The following SPON1 variants were observed in gnomAD, a reference collection of about 807,000 sequenced individuals.
SPON1 encodes spondin 1, also known as spondin-1.
SPON1 carries 52 observed loss-of-function variants against 111.7 expected under a neutral mutation model. That is an observed-to-expected ratio of 0.47 (90% CI 0.37 to 0.59). SPON1 has a LOEUF of 0.59. Among genes scored for constraint, SPON1 ranks in the 20% least tolerant of loss-of-function variants. SPON1 has a pLI of 0.00. For synonymous variants in SPON1, 410 were observed against 395.8 expected (o/e 1.04, Z -0.43); for missense variants, 957 against 1,068.5 (o/e 0.90, Z 1.46).
At chr11:14,052,977 G>A (rs1431793018) in intron 3 of SPON1, among the ~76,000 whole-genome samples, 1 of 152,156 alleles carries the variant, frequency 6.6e-6, no homozygotes, top group Non-Finnish European at 1.5e-5. Flanking sequence ...TGGCATGCAA[G>A]AACACATGGC....
intron 14 of SPON1, among the ~76,000 whole-genome samples, chr11:14,261,062 T>TA (rs1385374010): frequency 2.6e-5 from 4 of 152,116 alleles, no homozygotes; most frequent in Non-Finnish European, 5.9e-5. Context: ...CCCCAACAAT[T>TA]ATAGGCTTGC....
intron 7 of SPON1, among the ~76,000 whole-genome samples, chr11:14,250,561 A>C (rs1328504712): frequency 1.3e-5 from 2 of 152,106 alleles, no homozygotes; most frequent in African/African-American, 2.4e-5. Flanking sequence ...TCTTACCTGA[A>C]TATCACGCTA....
intron 4 of SPON1, among the ~76,000 whole-genome samples, chr11:14,076,593 T>C (rs1282010286): frequency 6.6e-6 from 1 of 152,224 alleles, no homozygotes; most frequent in Non-Finnish European, 1.5e-5. Context: ...CATATACTCA[T>C]GGTGGAAGGC....
chr11:14,214,818 CT>C (rs768930776), intron 6 of SPON1, among the ~76,000 whole-genome samples: 102 of 152,290 alleles, frequency 6.7e-4, no homozygotes, highest in Non-Finnish European at 1.1e-3. Flanking sequence ...CCTCTTGCCC[CT>C]GTAACAAACT....
chr11:14,203,956 C>G (rs10832232), intron 6 of SPON1, among the ~76,000 whole-genome samples: 32,441 of 152,162 alleles, frequency 0.21, 3,685 homozygotes, highest in Admixed American at 0.27. Context: ...CAGGGAAGTC[C>G]AAAATCCATA....
chr11:14,172,557 C>T (rs61883820), intron 6 of SPON1, among the ~76,000 whole-genome samples: 14,332 of 151,862 alleles, frequency 0.094, 1,070 homozygotes, highest in Admixed American at 0.18. Context: ...GGTTATTTTG[C>T]TCATTTGTTG....
chr11:14,155,484 A>AT (rs1302927881), intron 6 of SPON1, among the ~76,000 whole-genome samples: 2 of 136,274 alleles, frequency 1.5e-5, no homozygotes, highest in Non-Finnish European at 3.3e-5. Flanking sequence ...ACACACATCT[A>AT]TTTTTTTATT....
chr11:14,030,989 A>C (rs914968838), intron 2 of SPON1, among the ~76,000 whole-genome samples: 1 of 152,244 alleles, frequency 6.6e-6, no homozygotes, highest in Admixed American at 6.5e-5. Context: ...GATAAAGAAA[A>C]TGTGGTACAT....
rs555443237 is a variant in SPON1, at chr11:14,114,891, A to C, written c.677-20529A>C. On this transcript the variant is annotated intron_variant, in intron 5 of 15. Transcript: ENST00000576479. ...GTAGGATTTAGAGCACAAACGTGACAGTGAATTTTTGTTAAAGTAAGGTGG... is the reference window on the plus strand; with the variant it reads ...GTAGGATTTAGAGCACAAACGTGACCGTGAATTTTTGTTAAAGTAAGGTGG... Among the ~76,000 whole-genome samples the C allele has an allele frequency of 3.3e-5, 5 of 152,314 alleles. No individual in the cohort carries two copies. The South Asian group carries it at 1.0e-3, about 32-fold the overall frequency.
intron 2 of SPON1, among the ~76,000 whole-genome samples, chr11:14,025,095 G>T (rs544927432): frequency 6.6e-6 from 1 of 152,154 alleles, no homozygotes; most frequent in Non-Finnish European, 1.5e-5. Context: ...TGGGGGTGCA[G>T]TCATTTATTC....
Position 14,135,496 on chromosome 11 carries a change from T to C in SPON1, c.753T>C (p.Tyr251=), listed in dbSNP as rs369692417. ...ATGTACTGTGGGAATATGGAGGATA[T>C]GCCAGCGAAGGCGTCAAACAAGTTG... ...KNYVLWEYGG[Y]ASEGVKQVAE... Residue 251 remains tyrosine (Y), a synonymous_variant, in exon 6 of 16, where the codon TAT becomes TAC. Coordinates refer to ENST00000576479, the MANE Select transcript of SPON1 (RefSeq NM_006108.4). The surrounding 1 kb of genome is among the most constrained non-coding windows in gnomAD (Gnocchi z 4.4). 7 of 1,613,820 alleles carry C rather than the reference T, an allele frequency of 4.3e-6. No individual in the cohort carries two copies. Among genetic ancestry groups the C allele is most frequent in the East Asian group, 4.5e-5 (2 of 44,896 alleles).
At chr11:14,119,854 T>C (rs1849292419) in intron 5 of SPON1, among the ~76,000 whole-genome samples, 1 of 152,214 alleles carries the variant, frequency 6.6e-6, no homozygotes, top group Non-Finnish European at 1.5e-5. Context: ...TCTAGAGCTG[T>C]ACTGTCCAGT....
rs150585190 is a variant in SPON1, at chr11:14,263,108, G to A, written c.2260+133G>A. Reference sequence around the variant, plus strand: ...GAGTCTGCATCTTCTGGAGTCTTCAGGCCACATTTTGATTCTTTAGATCCA... The same window carrying A: ...GAGTCTGCATCTTCTGGAGTCTTCAAGCCACATTTTGATTCTTTAGATCCA... On this transcript the variant is annotated intron_variant, in intron 15 of 15. Coordinates refer to ENST00000576479, the MANE Select transcript of SPON1 (RefSeq NM_006108.4). The A allele has an allele frequency of 6.3e-6, 6 of 954,294 alleles. No individual in the cohort carries two copies. The East Asian group carries it at 1.6e-4, about 25-fold the overall frequency. The allele number at this position is 954,294 out of a possible 1,614,324, so 59.1% of individuals were successfully genotyped here.
At chr11:14,207,999 T>G (rs117031760) in intron 6 of SPON1, among the ~76,000 whole-genome samples, 1 of 152,188 alleles carries the variant, frequency 6.6e-6, no homozygotes, top group Non-Finnish European at 1.5e-5. Flanking sequence ...GTGGTACATA[T>G]GTACCATAGA....
intron 3 of SPON1, among the ~76,000 whole-genome samples, chr11:14,071,856 G>A (rs1185837352): frequency 6.6e-6 from 1 of 151,944 alleles, no homozygotes; most frequent in African/African-American, 2.4e-5. Flanking sequence ...GGGCCACCTC[G>A]CCCGGCTAAT....
chr11:14,147,751 C>CTTTTTT (rs66888680), intron 6 of SPON1, among the ~76,000 whole-genome samples: 3,999 of 145,630 alleles, frequency 0.027, 93 homozygotes, highest in African/African-American at 0.042. Context: ...AATACTAAGA[C>CTTTTTT]TTTTTTTTTT....
At chr11:14,099,775 C>T (rs1591375369) in intron 5 of SPON1, among the ~76,000 whole-genome samples, 1 of 152,060 alleles carries the variant, frequency 6.6e-6, no homozygotes, top group Non-Finnish European at 1.5e-5. Context: ...GCAGGCTGTA[C>T]AAGCACAACT....
intron 6 of SPON1, among the ~76,000 whole-genome samples, chr11:14,151,430 T>G (rs577171724): frequency 3.7e-4 from 57 of 152,220 alleles, no homozygotes; most frequent in African/African-American, 1.2e-3. Flanking sequence ...CTAAAGTAAT[T>G]AGGAAGCCAT....
At chr11:14,065,712 G>C (rs1848827389) in intron 3 of SPON1, among the ~76,000 whole-genome samples, 1 of 152,186 alleles carries the variant, frequency 6.6e-6, no homozygotes, top group African/African-American at 2.4e-5. Context: ...AGACCTAATG[G>C]TGATTCTTAA....
Sources: gnomAD v4.1 joint callset for allele counts (sites outside exome capture counted in the v4.1 genomes callset) on GRCh38, gnomAD v4.1.1 for gene constraint, Gnocchi (gnomAD v3.1) non-coding constraint, MANE v1.5 for transcripts, NCBI Gene and HGNC (gene_info 2026-07-23, HGNC 2026-07-21) for gene names.